TUBB6: variants seen among roughly 807,000 people sequenced by gnomAD.
The protein encoded by TUBB6 is tubulin beta-6 chain.
Under a neutral mutation model 32.3 loss-of-function variants are expected in TUBB6, and 18 were observed. That is an observed-to-expected ratio of 0.56 (90% CI 0.39 to 0.83). TUBB6 has a LOEUF of 0.83. Among genes scored for constraint, TUBB6 ranks in the 40% least tolerant of loss-of-function variants. TUBB6 has a pLI of 0.00. For missense variants in TUBB6, 480 were observed against 632.0 expected (o/e 0.76, Z 2.58); for synonymous variants, 280 against 265.8 (o/e 1.05, Z -0.52).
chr18:12,325,155 G>A lies in TUBB6; in HGVS notation c.366G>A (p.Lys122=), dbSNP rs1322824801. 6 of 1,613,384 alleles carry A rather than the reference G, an allele frequency of 3.7e-6. No individual in the cohort carries two copies. In the South Asian group the frequency reaches 6.6e-5, roughly 18 times the overall value. ...LVDAVLDVVR[K]ECEHCDCLQG... is the part of the protein sequence containing the mutation. Reference sequence around the variant, plus strand: ...ACGCAGTGCTGGACGTGGTGCGGAAGGAGTGCGAGCACTGCGACTGCCTGC... The same window carrying A: ...ACGCAGTGCTGGACGTGGTGCGGAAAGAGTGCGAGCACTGCGACTGCCTGC... Residue 122 remains lysine, a synonymous_variant, in exon 4 of 4, where the codon AAG becomes AAA. Coordinates refer to ENST00000317702, the MANE Select transcript of TUBB6 (RefSeq NM_032525.3).
At chr18:12,319,743 C>A (rs920750369) in intron 3 of TUBB6, among the ~76,000 whole-genome samples, 8 of 152,072 alleles carry the variant, frequency 5.3e-5, no homozygotes, top group Admixed American at 4.6e-4. Flanking sequence ...CACTTGAGTT[C>A]AAAAGTTTAA....
chr18:12,325,034 TG>T (rs750165029), intron 3 of TUBB6, 32 bp from the exon 4 acceptor site: 3 of 1,540,350 alleles, frequency 1.9e-6, no homozygotes, highest in Non-Finnish European at 2.6e-6. Flanking sequence ...AGCCCTTTCC[TG>T]TTTAAACGGC....
upstream of TUBB6, chr18:12,308,182 C>A (rs1163605333): frequency 1.6e-5 from 11 of 698,262 alleles, no homozygotes; most frequent in Non-Finnish European, 1.6e-5. Context: ...CATTGGCGAG[C>A]GGCGGGGCGG....
chr18:12,319,754 G>T (rs1906880754), intron 3 of TUBB6, among the ~76,000 whole-genome samples: 1 of 152,040 alleles, frequency 6.6e-6, no homozygotes, highest in Non-Finnish European at 1.5e-5. Flanking sequence ...AAAAGTTTAA[G>T]ACCAACATGG....
At chr18:12,308,133 C>T (rs1290799659), upstream of TUBB6, 7 of 250,636 alleles carry the variant, frequency 2.8e-5, no homozygotes, top group Non-Finnish European at 3.8e-5. Flanking sequence ...CAGGCCGGGC[C>T]GCGGCGTCGA....
intron 2 of TUBB6, among the ~76,000 whole-genome samples, chr18:12,309,622 A>C (rs985414602): frequency 1.3e-5 from 2 of 152,138 alleles, no homozygotes; most frequent in African/African-American, 2.4e-5. Flanking sequence ...ATGGAAGATG[A>C]AATTTCTAGA....
At chr18:12,310,485 C>T (rs1390632951) in intron 2 of TUBB6, among the ~76,000 whole-genome samples, 3 of 69,412 alleles carry the variant, frequency 4.3e-5, no homozygotes, top group Non-Finnish European at 8.8e-5. Context: ...AGCGAGACTC[C>T]ATCGCAAAAA....
chr18:12,326,044 G>C lies in TUBB6; in HGVS notation c.1255G>C (p.Val419Leu). Reference protein sequence around the residue: ...TEAESNMNDLVSEYQQYQDAT... With the variant: ...TEAESNMNDLLSEYQQYQDAT... The stretch of plus-strand genomic sequence containing the variant: ...GGCGGAGAGCAACATGAACGACCTG[G>C]TATCCGAGTACCAGCAGTACCAGGA... Residue 419 changes from valine (V) to leucine (L), a missense_variant, in exon 4 of 4, where the codon GTA (valine) becomes CTA (leucine). Coordinates refer to ENST00000317702, the MANE Select transcript of TUBB6 (RefSeq NM_032525.3). 1.2e-6 allele frequency: 2 copies of C among 1,614,184 alleles called. No homozygotes were observed. Among genetic ancestry groups the C allele is most frequent in the Non-Finnish European group, 1.7e-6 (2 of 1,180,046 alleles).
chr18:12,311,615 A>G (rs1021346955), intron 3 of TUBB6, among the ~76,000 whole-genome samples: 4 of 152,226 alleles, frequency 2.6e-5, no homozygotes, highest in Non-Finnish European at 5.9e-5. Flanking sequence ...CAAAAAACAA[A>G]AAAACAAAAA....
chr18:12,313,428 G>T (rs866825429), intron 3 of TUBB6, among the ~76,000 whole-genome samples: 24 of 152,312 alleles, frequency 1.6e-4, no homozygotes, highest in Admixed American at 1.0e-3. Flanking sequence ...TTGCGATCAG[G>T]TTACCAATCT....
downstream of TUBB6, chr18:12,329,464 TA>T: frequency 7.8e-7 from 1 of 1,287,146 alleles, no homozygotes; most frequent in Non-Finnish European, 1.1e-6. Flanking sequence ...AGTGGCTGGC[TA>T]AAATCAGCGC....
chr18:12,312,586 G>A (rs191080204), intron 3 of TUBB6, among the ~76,000 whole-genome samples: 54 of 152,282 alleles, frequency 3.5e-4, no homozygotes, highest in African/African-American at 1.1e-3. Flanking sequence ...TCCCAGGAAT[G>A]CAAGGATGGT....
intron 3 of TUBB6, among the ~76,000 whole-genome samples, chr18:12,315,486 T>G (rs146318884): frequency 1.3e-5 from 2 of 152,316 alleles, no homozygotes; most frequent in East Asian, 3.9e-4. Flanking sequence ...TTGCCTGAAA[T>G]TAAACTTTTC....
At chr18:12,309,971 C>A (rs75136340) in intron 2 of TUBB6, among the ~76,000 whole-genome samples, 1 of 46,676 alleles carries the variant, frequency 2.1e-5, no homozygotes, top group Non-Finnish European at 6.8e-5. Flanking sequence ...CCAAACCTGG[C>A]AATTTGCTGT....
chr18:12,329,007 T>C (rs1018433556), downstream of TUBB6: 8 of 613,278 alleles, frequency 1.3e-5, no homozygotes, highest in Non-Finnish European at 2.0e-5. Flanking sequence ...ATTTACATAA[T>C]ACATTCATAT....
At chr18:12,312,980 C>T (rs984602348) in intron 3 of TUBB6, among the ~76,000 whole-genome samples, 4 of 85,276 alleles carry the variant, frequency 4.7e-5, no homozygotes, top group Non-Finnish European at 8.4e-5. Flanking sequence ...GCCTGGGCAA[C>T]AAGAGTGAAA....
At chr18:12,326,683 A>T (rs1907351025), downstream of TUBB6, 2 of 155,432 alleles carry the variant, frequency 1.3e-5, no homozygotes, top group South Asian at 4.0e-4. Flanking sequence ...TCACGAAAAC[A>T]ACAGAGGAAA....
At chr18:12,317,837 A>G (rs7244254) in intron 3 of TUBB6, among the ~76,000 whole-genome samples, 120,168 of 152,202 alleles carry the variant, frequency 0.79, 48,683 homozygotes, top group Non-Finnish European at 0.88. Context: ...TTCAGTTCAC[A>G]ACTCCCAAAT....
intron 3 of TUBB6, among the ~76,000 whole-genome samples, chr18:12,322,107 C>T (rs1907019600): frequency 6.6e-6 from 1 of 151,580 alleles, no homozygotes; most frequent in Admixed American, 6.6e-5. Flanking sequence ...TCAAGACCAG[C>T]CTGGCCAACG....
Sources: allele counts gnomAD v4.1 joint callset (sites outside exome capture counted in the v4.1 genomes callset), GRCh38; gene constraint gnomAD v4.1.1; transcripts MANE v1.5; gene names NCBI Gene and HGNC (gene_info 2026-07-23, HGNC 2026-07-21).